The following LRMDA variants were observed in gnomAD, a reference collection of about 807,000 sequenced individuals.
LRMDA encodes leucine-rich melanocyte differentiation-associated protein.
Under a neutral mutation model 29.8 loss-of-function variants are expected in LRMDA, and 18 were observed. That is an observed-to-expected ratio of 0.60 (90% CI 0.42 to 0.90). LRMDA has a LOEUF of 0.90. Ranked by LOEUF, LRMDA falls within the 40% of genes least tolerant of loss-of-function variation. LRMDA has a pLI of 0.00. For synonymous variants in LRMDA, 125 were observed against 109.4 expected, an observed-to-expected ratio of 1.14 and a Z score of -0.89; for missense variants, 273 against 273.9, an observed-to-expected ratio of 1.00 and a Z score of 0.02.
intron 5 of LRMDA, among the ~76,000 whole-genome samples, chr10:76,163,027 G>C (rs1245326165): frequency 6.6e-6 from 1 of 152,062 alleles, no homozygotes; most frequent in Non-Finnish European, 1.5e-5. Context: ...ACAGATCCTT[G>C]GTTCCAAATA....
chr10:76,227,343 A>G (rs1851977739), intron 5 of LRMDA, among the ~76,000 whole-genome samples: 1 of 152,124 alleles, frequency 6.6e-6, no homozygotes, highest in South Asian at 2.1e-4. Context: ...ATCATCCTAA[A>G]TCTATTCTTA....
chr10:75,961,417 C>T (rs762465939), intron 2 of LRMDA, among the ~76,000 whole-genome samples: 15 of 152,174 alleles, frequency 9.9e-5, no homozygotes, highest in Non-Finnish European at 2.2e-4. Flanking sequence ...TGTTCCCCCA[C>T]GGGGGTTTTG....
intron 2 of LRMDA, among the ~76,000 whole-genome samples, chr10:75,902,392 AG>A: frequency 6.6e-6 from 1 of 152,080 alleles, no homozygotes; most frequent in East Asian, 1.9e-4. Context: ...TAGGGGTGGG[AG>A]GGGATGGAGG....
At chr10:75,542,788 T>A (rs1263751197) in intron 2 of LRMDA, among the ~76,000 whole-genome samples, 1 of 152,178 alleles carries the variant, frequency 6.6e-6, no homozygotes, top group Non-Finnish European at 1.5e-5. Context: ...CATGCAGGCC[T>A]GACTTGAGAA....
intron 5 of LRMDA, among the ~76,000 whole-genome samples, chr10:76,094,667 G>A (rs1849286074): frequency 6.6e-6 from 1 of 152,134 alleles, no homozygotes; most frequent in African/African-American, 2.4e-5. Context: ...CAGGAATTAC[G>A]AGTAAGGCTT....
At chr10:76,466,345 CTT>C (rs1410773386) in intron 6 of LRMDA, among the ~76,000 whole-genome samples, 1 of 152,192 alleles carries the variant, frequency 6.6e-6, no homozygotes, top group East Asian at 1.9e-4. Context: ...GGAGCGTTTC[CTT>C]TCTCTCCCCT....
At chr10:75,679,907 T>TAA (rs905905523) in intron 2 of LRMDA, among the ~76,000 whole-genome samples, 6 of 147,356 alleles carry the variant, frequency 4.1e-5, no homozygotes, top group African/African-American at 1.5e-4. Flanking sequence ...TCACAGGAAA[T>TAA]AAAAAAAAAA....
intron 2 of LRMDA, among the ~76,000 whole-genome samples, chr10:75,784,703 G>GAAAAAAAAA (rs373995294): frequency 9.9e-6 from 1 of 100,524 alleles, no homozygotes. Flanking sequence ...CTCCATCTCA[G>GAAAAAAAAA]AAAAAAAAAA....
rs528517570 is a variant in LRMDA at position 75,799,751 on chromosome 10, G to C, written c.132-236257G>C. Among the ~76,000 whole-genome samples, 7 of 150,508 alleles carry C rather than the reference G, an allele frequency of 4.7e-5. No homozygotes were observed. The South Asian group carries it at 1.5e-3, about 32-fold the overall frequency. ...AGTAGAGACGGGGTTTCAGCATGTTGACCAGGCTAGTCTTGAACTCCTGGC... is the reference window on the plus strand; with the variant it reads ...AGTAGAGACGGGGTTTCAGCATGTTCACCAGGCTAGTCTTGAACTCCTGGC... On this transcript the variant is annotated intron_variant, in intron 2 of 6. Coordinates refer to ENST00000611255, the MANE Select transcript of LRMDA (RefSeq NM_001305581.2).
intron 5 of LRMDA, among the ~76,000 whole-genome samples, chr10:76,254,358 C>CTATG (rs1554859386): frequency 1.2e-3 from 158 of 131,384 alleles, no homozygotes; most frequent in African/African-American, 2.9e-3. Flanking sequence ...CCTATCCTAT[C>CTATG]CTATGCTATG....
intron 2 of LRMDA, among the ~76,000 whole-genome samples, chr10:75,853,627 G>T (rs186527717): frequency 2.5e-4 from 38 of 152,276 alleles, no homozygotes; most frequent in Middle Eastern, 6.8e-3. Flanking sequence ...ACTTAATGAT[G>T]TATAATTGAG....
intron 6 of LRMDA, among the ~76,000 whole-genome samples, chr10:76,342,085 G>A (rs1214437885): frequency 1.3e-5 from 2 of 152,110 alleles, no homozygotes; most frequent in Non-Finnish European, 2.9e-5. Flanking sequence ...GTAATATACT[G>A]ACTGGATCAC....
At chr10:75,894,045 ATAAGT>A (rs1845541990) in intron 2 of LRMDA, among the ~76,000 whole-genome samples, 1 of 151,458 alleles carries the variant, frequency 6.6e-6, no homozygotes, top group African/African-American at 2.4e-5. Context: ...TTATTTTTCC[ATAAGT>A]TATTGGGGGT....
chr10:75,807,388 G>A (rs1843873217), intron 2 of LRMDA, among the ~76,000 whole-genome samples: 1 of 152,218 alleles, frequency 6.6e-6, no homozygotes, highest in African/African-American at 2.4e-5. Flanking sequence ...GGGGCAGGAT[G>A]GCTCACATCG....
chr10:76,540,831 C>T (rs1167278072), intron 6 of LRMDA, among the ~76,000 whole-genome samples: 4 of 152,166 alleles, frequency 2.6e-5, no homozygotes, highest in Non-Finnish European at 4.4e-5. Flanking sequence ...AGACTTGCCT[C>T]ATTGTTGTAC....
Position 76,458,125 on chromosome 10 carries a change from C to CAA in LRMDA, c.602-99071_602-99070dup, listed in dbSNP as rs66952051. Among the ~76,000 whole-genome samples the CAA allele has an allele frequency of 6.1e-3, 850 of 140,104 alleles. 13 individuals are homozygous for CAA. The highest frequency in any genetic ancestry group is 0.017 in the African/African-American group (655 of 37,814). 91.9% of individuals were successfully genotyped at this position (140,104 alleles called of 152,430 possible). A position where few individuals can be genotyped will look rare whatever the true frequency, so the allele number is the denominator to read the frequency against. Reference sequence around the variant, plus strand: ...TTTTCTTTCACACTCCTAGTGCTTTCAAAAAAAAAAAAAACTTGGCTGTTT... The same window carrying CAA: ...TTTTCTTTCACACTCCTAGTGCTTTCAAAAAAAAAAAAAAAACTTGGCTGTTT... On this transcript the variant is annotated intron_variant, in intron 6 of 6. Coordinates refer to ENST00000611255, the MANE Select transcript of LRMDA (RefSeq NM_001305581.2).
chr10:75,617,934 T>C (rs1841126070), intron 2 of LRMDA, among the ~76,000 whole-genome samples: 1 of 152,192 alleles, frequency 6.6e-6, no homozygotes, highest in Admixed American at 6.5e-5. Context: ...GCTAGGCCTT[T>C]GTCGCCTTGG....
At chr10:75,495,198 A>G (rs527792348) in intron 2 of LRMDA, among the ~76,000 whole-genome samples, 23 of 152,072 alleles carry the variant, frequency 1.5e-4, no homozygotes, top group African/African-American at 5.3e-4. Flanking sequence ...CTGCCTATCA[A>G]TTCATTCATC....
chr10:75,494,515 C>CTTT (rs34902194), intron 2 of LRMDA, among the ~76,000 whole-genome samples: 47,983 of 102,996 alleles, frequency 0.47, 10,966 homozygotes, highest in Admixed American at 0.53. Flanking sequence ...ATGTTTGTTC[C>CTTT]TTTTTTTTTT....
Sources: gnomAD v4.1 joint callset for allele counts (sites outside exome capture counted in the v4.1 genomes callset) on GRCh38, gnomAD v4.1.1 for gene constraint, MANE v1.5 for transcripts, NCBI Gene and HGNC (gene_info 2026-07-23, HGNC 2026-07-21) for gene names.